TMEM132B: variants seen among roughly 807,000 people sequenced by gnomAD.
TMEM132B encodes the protein transmembrane protein 132B.
In TMEM132B, 18 loss-of-function variants were observed where a neutral mutation model predicts 90.8. The observed-to-expected ratio is 0.20, with a 90% confidence interval of 0.14 to 0.29. The LOEUF is 0.29. Among genes scored for constraint, TMEM132B ranks in the 10% least tolerant of loss-of-function variants. TMEM132B has a pLI of 1.00. For missense variants in TMEM132B, 1,096 were observed against 1,326.8 expected, an observed-to-expected ratio of 0.83 and a Z score of 2.70; for synonymous variants, 504 against 523.3, an observed-to-expected ratio of 0.96 and a Z score of 0.50.
intron 3 of TMEM132B, among the ~76,000 whole-genome samples, chr12:125,475,183 G>A (rs1289224599): frequency 6.6e-6 from 1 of 152,074 alleles, no homozygotes; most frequent in Non-Finnish European, 1.5e-5. Flanking sequence ...GGGGGGAAGA[G>A]GACCCAGCAC....
At chr12:125,457,950 A>C (rs1305631656) in intron 3 of TMEM132B, among the ~76,000 whole-genome samples, 1 of 152,174 alleles carries the variant, frequency 6.6e-6, no homozygotes, top group Non-Finnish European at 1.5e-5. Context: ...ATGGAAAGCA[A>C]GGCCTGCTGT....
In TMEM132B at chr12:125,272,993, ATC is replaced by A. The variant is rs569893349; in HGVS notation, c.68-76455_68-76454del. Among the ~76,000 whole-genome samples the A allele has an allele frequency of 4.8e-4, 73 of 152,340 alleles. 1 individual carries two copies. Among genetic ancestry groups the A allele is most frequent in the African/African-American group, 1.5e-3 (63 of 41,586 alleles). ...ATGGTGCCCTTTTGAACACACAAAC[ATC>A]TCTATTTATATTTGTCTCTATATAT... On this transcript the variant is annotated intron_variant, in intron 1 of 8. Transcript: ENST00000682704.
chr12:125,438,710 A>T (rs1470009651), intron 3 of TMEM132B, among the ~76,000 whole-genome samples: 2 of 152,150 alleles, frequency 1.3e-5, no homozygotes, highest in Non-Finnish European at 2.9e-5. Flanking sequence ...ATCCTGATTT[A>T]GGTGTTTATC....
chr12:125,231,596 G>A (rs1403945964), intron 1 of TMEM132B, among the ~76,000 whole-genome samples: 1 of 151,956 alleles, frequency 6.6e-6, no homozygotes, highest in Non-Finnish European at 1.5e-5. Context: ...TTTTAGTGGT[G>A]GAACTCTTTT....
At chr12:125,232,271 G>A (rs949520339) in intron 1 of TMEM132B, among the ~76,000 whole-genome samples, 3 of 151,932 alleles carry the variant, frequency 2.0e-5, no homozygotes, top group Admixed American at 6.5e-5. Flanking sequence ...ATGGTTCTTT[G>A]CTTAGATTCT....
chr12:125,549,570 T>C (rs538274986), intron 4 of TMEM132B, among the ~76,000 whole-genome samples: 20 of 152,362 alleles, frequency 1.3e-4, no homozygotes, highest in African/African-American at 4.8e-4. Flanking sequence ...ATCACCGCTC[T>C]CTTGATTTAA....
At position 125,650,833 on chromosome 12, in the gene TMEM132B, C is replaced by A. The variant is rs1241258767; in HGVS notation, c.1794C>A (p.Asp598Glu). The change falls in exon 7 of 9, where the codon GAC becomes GAA. Residue 598 changes from aspartate (D) to glutamate (E), a missense_variant. By Grantham distance (45) the Asp-to-Glu change is conservative. Coordinates refer to ENST00000682704, the MANE Select transcript of TMEM132B (RefSeq NM_001366854.1). ...AGCTGACCTACATGCTGGGCCCCGA[C>A]TGGCAGTTTGACATCACTGACCTTG... ...LGQLTYMLGP[D>E]WQFDITDLVT... The A allele has an allele frequency of 2.5e-6, 4 of 1,614,226 alleles. No individual in the cohort carries two copies. Among genetic ancestry groups the A allele is most frequent in the South Asian group, 1.1e-5 (1 of 91,084 alleles).
At chr12:125,436,298 G>T (rs577903453) in intron 3 of TMEM132B, among the ~76,000 whole-genome samples, 1 of 152,292 alleles carries the variant, frequency 6.6e-6, no homozygotes, top group East Asian at 1.9e-4. Context: ...TACAAGCCCA[G>T]CACACCAGGT....
intron 3 of TMEM132B, among the ~76,000 whole-genome samples, chr12:125,422,909 C>G (rs1467999140): frequency 6.6e-6 from 1 of 152,162 alleles, no homozygotes; most frequent in Non-Finnish European, 1.5e-5. Flanking sequence ...TTTAAGCCAA[C>G]AAGTCTGAGA....
intron 1 of TMEM132B, among the ~76,000 whole-genome samples, chr12:125,327,951 A>G (rs1249903289): frequency 1.3e-5 from 2 of 152,152 alleles, no homozygotes; most frequent in Non-Finnish European, 2.9e-5. Context: ...GGTCTTGGAG[A>G]ATGGATGGCC....
intron 1 of TMEM132B, among the ~76,000 whole-genome samples, chr12:125,224,966 A>G (rs970160285): frequency 6.6e-6 from 1 of 152,306 alleles, no homozygotes; most frequent in East Asian, 1.9e-4. Context: ...AGAATCTTCT[A>G]AAGGGGATTG....
intron 1 of TMEM132B, among the ~76,000 whole-genome samples, chr12:125,230,469 T>G (rs553126635): frequency 1.6e-3 from 242 of 148,508 alleles, no homozygotes; most frequent in Non-Finnish European, 2.4e-3. Flanking sequence ...GCATCTGTGG[T>G]TTTTTTTTTC....
rs893155583 is a variant in TMEM132B, at chr12:125,251,336, A to C, written c.67+64470A>C. Among the ~76,000 whole-genome samples, 1 of 152,214 alleles carries C rather than the reference A, an allele frequency of 6.6e-6. No homozygotes were observed. Among genetic ancestry groups the C allele is most frequent in the Non-Finnish European group, 1.5e-5 (1 of 68,036 alleles). Reference sequence around the variant, plus strand: ...TACCATGAAATAGCATTTTAGAAAAAAGAACTGGATGGAAATGTATTTTGC... The same window carrying C: ...TACCATGAAATAGCATTTTAGAAAACAGAACTGGATGGAAATGTATTTTGC... On this transcript the variant is annotated intron_variant, in intron 1 of 8. Transcript: ENST00000682704. The surrounding 1 kb of genome is among the most constrained non-coding windows in gnomAD (Gnocchi z 4.4).
At chr12:125,210,955 CCT>C (rs1417694896) in intron 1 of TMEM132B, among the ~76,000 whole-genome samples, 1 of 151,992 alleles carries the variant, frequency 6.6e-6, no homozygotes, top group Non-Finnish European at 1.5e-5. Flanking sequence ...AGAACGAAAC[CCT>C]GTCTCAAAAG....
chr12:125,647,890 T>C (rs1275645656), intron 6 of TMEM132B, among the ~76,000 whole-genome samples: 2 of 142,642 alleles, frequency 1.4e-5, no homozygotes, highest in African/African-American at 5.5e-5. Flanking sequence ...CTTAAAACAA[T>C]TGTATCCTTT....
chr12:125,569,849 A>G (rs758057799), intron 4 of TMEM132B, among the ~76,000 whole-genome samples: 9 of 152,134 alleles, frequency 5.9e-5, no homozygotes, highest in South Asian at 4.2e-4. Context: ...GAGAGGCGTC[A>G]GAGGCTGGAA....
Position 125,300,190 on chromosome 12 carries a change from C to T in TMEM132B, c.68-49262C>T, listed in dbSNP as rs1336764905. On this transcript the variant is annotated intron_variant, in intron 1 of 8. Transcript: ENST00000682704. Reference sequence around the variant, plus strand: ...GCCACGGCCCTTCCTCTTAGCCTGCCCTTTTGTTCTTTTTTTTTTGGTACA... The same window carrying T: ...GCCACGGCCCTTCCTCTTAGCCTGCTCTTTTGTTCTTTTTTTTTTGGTACA... Among the ~76,000 whole-genome samples, 6 of 152,294 alleles carry T rather than the reference C, an allele frequency of 3.9e-5. No homozygotes were observed. In the East Asian group the frequency reaches 9.6e-4, roughly 24 times the overall value.
At chr12:125,273,450 G>A (rs1404607509) in intron 1 of TMEM132B, among the ~76,000 whole-genome samples, 1 of 152,112 alleles carries the variant, frequency 6.6e-6, no homozygotes, top group Non-Finnish European at 1.5e-5. Context: ...AGCTGGGCAT[G>A]GTTGCTCATG....
intron 3 of TMEM132B, among the ~76,000 whole-genome samples, chr12:125,447,511 G>C (rs1881039312): frequency 6.6e-6 from 1 of 151,896 alleles, no homozygotes; most frequent in Non-Finnish European, 1.5e-5. Context: ...TTGTTGTGTA[G>C]GTTAATATTC....
Sources: allele counts gnomAD v4.1 joint callset (sites outside exome capture counted in the v4.1 genomes callset), GRCh38; gene constraint gnomAD v4.1.1; non-coding constraint Gnocchi (gnomAD v3.1); transcripts MANE v1.5; gene names NCBI Gene and HGNC (gene_info 2026-07-23, HGNC 2026-07-21).